The following RASGRP3 variants were observed in gnomAD, a reference collection of about 807,000 sequenced individuals.
RASGRP3 encodes ras guanyl-releasing protein 3.
RASGRP3 carries 54 observed loss-of-function variants against 82.7 expected under a neutral mutation model. That is an observed-to-expected ratio of 0.65 (90% CI 0.52 to 0.82). The LOEUF is 0.82. Among genes scored for constraint, RASGRP3 ranks in the 40% least tolerant of loss-of-function variants. The probability of loss-of-function intolerance (pLI) is 0.00; values close to 1 mark genes in which losing one functional copy is unlikely to be tolerated. For missense variants in RASGRP3, 861 were observed against 828.9 expected (o/e 1.04, Z -0.48); for synonymous variants, 309 against 300.5 (o/e 1.03, Z -0.29).
At chr2:33,453,404 A>C (rs1172498767) in intron 2 of RASGRP3, among the ~76,000 whole-genome samples, 1 of 152,186 alleles carries the variant, frequency 6.6e-6, no homozygotes, top group African/African-American at 2.4e-5. Flanking sequence ...TATGTGCTGG[A>C]AAATACTATT....
intron 1 of RASGRP3, among the ~76,000 whole-genome samples, chr2:33,441,060 T>C (rs2150871957): frequency 6.6e-6 from 1 of 152,070 alleles, no homozygotes; most frequent in South Asian, 2.1e-4. Context: ...ACCCACTAAT[T>C]TTTGTATTTT....
chr2:33,445,436 A>C (rs1211130992), intron 1 of RASGRP3, among the ~76,000 whole-genome samples: 1 of 152,216 alleles, frequency 6.6e-6, no homozygotes. Flanking sequence ...GACATATATA[A>C]ATAATGACCA....
intron 1 of RASGRP3, among the ~76,000 whole-genome samples, chr2:33,504,982 G>A (rs1401062876): frequency 2.0e-5 from 3 of 152,198 alleles, no homozygotes; most frequent in Non-Finnish European, 4.4e-5. Context: ...TGAGAATTAA[G>A]TAAAAAGCAA....
Position 33,559,972 on chromosome 2 carries a change from C to A in RASGRP3, c.2064+942C>A, listed in dbSNP as rs140861001. On this transcript the variant is annotated intron_variant, in intron 17 of 17. Coordinates refer to ENST00000403687, the MANE Select transcript of RASGRP3 (RefSeq NM_001139488.2). ...GAAGGCAGTGCATAAGGAGGCCACC[C>A]ATTATCTCTGGTCATACAAGGTTTA... 5.1e-3 allele frequency among the ~76,000 whole-genome samples: 782 copies of A among 152,300 alleles called. 5 individuals carry two copies. Among genetic ancestry groups the A allele is most frequent in the South Asian group, 0.033 (161 of 4,824 alleles).
At chr2:33,450,136 T>A (rs1389694897) in intron 2 of RASGRP3, among the ~76,000 whole-genome samples, 1 of 152,212 alleles carries the variant, frequency 6.6e-6, no homozygotes, top group Non-Finnish European at 1.5e-5. Context: ...AAATTGTATA[T>A]ATTTATGATG....
chr2:33,516,538 A>G lies in RASGRP3; in HGVS notation c.71-4A>G. On this transcript the variant is annotated splice_polypyrimidine_tract_variant and splice_region_variant and intron_variant, in intron 3 of 17. Coordinates refer to ENST00000403687, the MANE Select transcript of RASGRP3 (RefSeq NM_001139488.2). ...CCTCACTTCTTGTTTTATTTTTCTA[A>G]CAGATGACAATGGAGAGCTGGATAA... 2.0e-6 allele frequency: 3 copies of G among 1,533,164 alleles called. No individual in the cohort carries two copies. Among genetic ancestry groups the G allele is most frequent in the Non-Finnish European group, 2.7e-6 (3 of 1,117,258 alleles). 95.0% of individuals were successfully genotyped at this position (1,533,164 alleles called of 1,614,324 possible). A position where few individuals can be genotyped will look rare whatever the true frequency, so the allele number is the denominator to read the frequency against.
intron 11 of RASGRP3, among the ~76,000 whole-genome samples, chr2:33,538,357 G>T (rs1322909707): frequency 6.6e-6 from 1 of 152,020 alleles, no homozygotes; most frequent in East Asian, 1.9e-4. Flanking sequence ...ACAAAAATTA[G>T]CTGGGCTTGA....
chr2:33,517,444 T>G (rs1209740597), intron 4 of RASGRP3, among the ~76,000 whole-genome samples: 1 of 152,130 alleles, frequency 6.6e-6, no homozygotes, highest in Non-Finnish European at 1.5e-5. Flanking sequence ...AGGGGGAGCC[T>G]TAGAGAGAGA....
At chr2:33,451,204 C>A (rs560497415) in intron 2 of RASGRP3, among the ~76,000 whole-genome samples, 1 of 152,142 alleles carries the variant, frequency 6.6e-6, no homozygotes, top group Non-Finnish European at 1.5e-5. Flanking sequence ...TGTATTTCTT[C>A]TTTTGAGAAA....
chr2:33,555,300 G>A (rs1350581511), intron 14 of RASGRP3: 9 of 374,854 alleles, frequency 2.4e-5, no homozygotes, highest in South Asian at 5.6e-5. Context: ...TTCCCATCCC[G>A]GCTCCCAGTT....
intron 2 of RASGRP3, among the ~76,000 whole-genome samples, chr2:33,457,117 C>T (rs1441870166): frequency 1.3e-5 from 2 of 151,956 alleles, no homozygotes; most frequent in African/African-American, 2.4e-5. Context: ...GTGTTCCACC[C>T]GCTTCAGCCT....
rs539042641 is a variant in RASGRP3 at position 33,557,164 on chromosome 2, C to T, written c.1580-1047C>T. On this transcript the variant is annotated intron_variant, in intron 15 of 17. Coordinates refer to ENST00000403687, the MANE Select transcript of RASGRP3 (RefSeq NM_001139488.2). ...ATGATTCTCAGTGAAGTGCAGGACC[C>T]TCATCATAGGAAATAATTGTGAACC... is the stretch of plus-strand genomic sequence containing the variant. Among the ~76,000 whole-genome samples the T allele has an allele frequency of 2.6e-5, 4 of 152,196 alleles. No homozygotes were observed. The South Asian group carries it at 6.2e-4, about 24-fold the overall frequency.
At chr2:33,525,293 A>C (rs1341525191) in intron 9 of RASGRP3, among the ~76,000 whole-genome samples, 1 of 151,994 alleles carries the variant, frequency 6.6e-6, no homozygotes, top group African/African-American at 2.4e-5. Flanking sequence ...AAAGGGGAAG[A>C]CATAGGCCTT....
chr2:33,443,252 C>T (rs1400070906), intron 1 of RASGRP3, among the ~76,000 whole-genome samples: 3 of 152,062 alleles, frequency 2.0e-5, no homozygotes, highest in African/African-American at 7.2e-5. Flanking sequence ...AAACTCAAAA[C>T]AAGTGAATTA....
At chr2:33,558,113 G>C in intron 15 of RASGRP3, 98 bp from the exon 16 acceptor site, 4 of 1,450,054 alleles carry the variant, frequency 2.8e-6, no homozygotes, top group Non-Finnish European at 3.8e-6. Context: ...ACAGAAACTG[G>C]GGTGGGGGAG....
chr2:33,546,177 A>G (rs1014697117), intron 13 of RASGRP3, among the ~76,000 whole-genome samples: 1 of 151,576 alleles, frequency 6.6e-6, no homozygotes, highest in Non-Finnish European at 1.5e-5. Context: ...TAATCCCAGA[A>G]CTTTGGGAGG....
rs1333328828 is a variant in RASGRP3 at position 33,469,715 on chromosome 2, C to A, written c.-261+21772C>A. 2.0e-5 allele frequency among the ~76,000 whole-genome samples: 3 copies of A among 152,168 alleles called. No homozygotes were observed. In the East Asian group the frequency reaches 5.8e-4, roughly 29 times the overall value. ...ACCTTAGATGATCTGCCCACCTCGGCCTCCCAAAGTGCTGGGTTTACAGGC... is the reference window on the plus strand; with the variant it reads ...ACCTTAGATGATCTGCCCACCTCGGACTCCCAAAGTGCTGGGTTTACAGGC... On this transcript the variant is annotated intron_variant, in intron 2 of 18. Coordinates refer to the RASGRP3 transcript ENST00000402538.
chr2:33,490,644 C>T (rs1459044698), intron 1 of RASGRP3, among the ~76,000 whole-genome samples: 1 of 152,226 alleles, frequency 6.6e-6, no homozygotes, highest in Admixed American at 6.5e-5. Context: ...TGTTGGAAAG[C>T]CCAAGGCTTA....
At chr2:33,453,711 G>A (rs1665909294) in intron 2 of RASGRP3, among the ~76,000 whole-genome samples, 2 of 152,214 alleles carry the variant, frequency 1.3e-5, no homozygotes, top group South Asian at 4.1e-4. Flanking sequence ...AGGACTACAT[G>A]AGGATATGTA....
Sources: allele counts gnomAD v4.1 joint callset (sites outside exome capture counted in the v4.1 genomes callset), GRCh38; gene constraint gnomAD v4.1.1; transcripts MANE v1.5; gene names NCBI Gene and HGNC (gene_info 2026-07-23, HGNC 2026-07-21).